GABARAPL2: variants seen among roughly 807,000 people sequenced by gnomAD.
GABARAPL2 encodes gamma-aminobutyric acid receptor-associated protein-like 2.
GABARAPL2 carries 11 observed loss-of-function variants against 16.9 expected under a neutral mutation model. The observed-to-expected ratio is 0.65, with a 90% CI of 0.41 to 1.08. The LOEUF (loss-of-function observed/expected upper bound fraction) is 1.08. Ranked by LOEUF, GABARAPL2 falls within the 50% of genes least tolerant of loss-of-function variation. The pLI, the probability that GABARAPL2 is intolerant of heterozygous loss-of-function variation, is 0.00. For missense variants in GABARAPL2, 134 were observed against 142.5 expected, an observed-to-expected ratio of 0.94 and a Z score of 0.30; for synonymous variants, 57 against 50.7, an observed-to-expected ratio of 1.12 and a Z score of -0.53.
At chr16:75,566,988 T>C in intron 2 of GABARAPL2, 81 bp downstream of exon 2, 1 of 1,198,162 alleles carries the variant, frequency 8.3e-7, no homozygotes, top group South Asian at 1.2e-5. Context: ...CATTCAACAG[T>C]TGACAAGTTG....
chr16:75,574,256 G>A (rs1270530203), intron 3 of GABARAPL2, among the ~76,000 whole-genome samples: 1 of 152,206 alleles, frequency 6.6e-6, no homozygotes. Context: ...TGTTTCTAAT[G>A]TAGCAGCGGG....
intron 2 of GABARAPL2, 57 bp downstream of exon 2, chr16:75,566,964 G>T: frequency 7.3e-7 from 1 of 1,373,354 alleles, no homozygotes. Flanking sequence ...TGGGACCCGT[G>T]ATAGGCCCCA....
intron 2 of GABARAPL2, among the ~76,000 whole-genome samples, chr16:75,567,286 C>G (rs1008528642): frequency 6.6e-6 from 1 of 152,216 alleles, no homozygotes; most frequent in Non-Finnish European, 1.5e-5. Context: ...TCATCTTTTA[C>G]TTTGTCTCCA....
chr16:75,575,056 A>G (rs145140981), intron 3 of GABARAPL2, among the ~76,000 whole-genome samples: 57 of 152,156 alleles, frequency 3.7e-4, no homozygotes, highest in Non-Finnish European at 7.2e-4. Context: ...AAACATAGTG[A>G]TGATTTCATT....
In GABARAPL2 at chr16:75,566,894, C is replaced by T. The variant is rs772226891; in HGVS notation, c.77C>T (p.Pro26Leu). Residue 26 changes from proline (P) to leucine (L), a missense_variant, in exon 2 of 4, where the codon CCC (proline) becomes CTC (leucine). Physicochemically the swap from Pro to Leu is moderately conservative, Grantham distance 98 (BLOSUM62 -3). Transcript: ENST00000037243. ...VESAKIRAKY[P>L]DRVPVIVEKV... ...TCCGCGAAGATTCGAGCGAAATATCCCGACAGGGTTCCGGTGAGTGGACTC... is the reference window on the plus strand; with the variant it reads ...TCCGCGAAGATTCGAGCGAAATATCTCGACAGGGTTCCGGTGAGTGGACTC... 1.2e-6 allele frequency: 2 copies of T among 1,613,444 alleles called. No homozygotes were observed. Among genetic ancestry groups the T allele is most frequent in the South Asian group, 1.1e-5 (1 of 91,078 alleles).
At chr16:75,576,009 T>G (rs373444763) in intron 3 of GABARAPL2, 1 of 152,242 alleles carries the variant, frequency 6.6e-6, no homozygotes, top group African/African-American at 2.4e-5. Context: ...GTGGCTGCTG[T>G]GGCAGTGATA....
chr16:75,568,533 C>T (rs1597057786), intron 3 of GABARAPL2: 2 of 180,208 alleles, frequency 1.1e-5, no homozygotes, highest in South Asian at 3.1e-4. Flanking sequence ...AGGTTTTCTT[C>T]CCTGAAGGCA....
At chr16:75,571,571 C>G (rs2080914590) in intron 3 of GABARAPL2, among the ~76,000 whole-genome samples, 1 of 152,060 alleles carries the variant, frequency 6.6e-6, no homozygotes, top group African/African-American at 2.4e-5. Context: ...CCTTCAGGCC[C>G]AATTAATGAC....
chr16:75,568,232 G>T, intron 3 of GABARAPL2, 23 bp downstream of exon 3: 1 of 1,542,644 alleles, frequency 6.5e-7, no homozygotes, highest in Non-Finnish European at 8.9e-7. Context: ...TACTAGATGG[G>T]CCCTCTGGTA....
Position 75,568,154 on chromosome 16 carries a change from C to T in GABARAPL2, c.208C>T (p.Leu70Phe). The change falls in exon 3 of 4, where the codon CTT (leucine) becomes TTT (phenylalanine). Residue 70 changes from leucine to phenylalanine, a missense_variant. Coordinates refer to ENST00000037243, the MANE Select transcript of GABARAPL2 (RefSeq NM_007285.7). Reference sequence around the variant, plus strand: ...GTGGATCATCAGGAAAAGGATCCAGCTTCCTTCTGAAAAGGCGATCTTCCT... The same window carrying T: ...GTGGATCATCAGGAAAAGGATCCAGTTTCCTTCTGAAAAGGCGATCTTCCT... ...FMWIIRKRIQ[L>F]PSEKAIFLFV... The T allele has an allele frequency of 1.2e-6, 2 of 1,613,100 alleles. No homozygotes were observed. The highest frequency in any genetic ancestry group is 1.7e-6 in the Non-Finnish European group (2 of 1,179,044).
intron 3 of GABARAPL2, among the ~76,000 whole-genome samples, chr16:75,575,340 G>A (rs981933640): frequency 6.6e-6 from 1 of 151,552 alleles, no homozygotes; most frequent in African/African-American, 2.4e-5. Context: ...TTGTTGCCCA[G>A]GCTGCAGTAC....
chr16:75,570,659 A>C (rs1342260205), intron 3 of GABARAPL2, among the ~76,000 whole-genome samples: 1 of 152,232 alleles, frequency 6.6e-6, no homozygotes, highest in Non-Finnish European at 1.5e-5. Context: ...ACAGGCGGTC[A>C]CCATGTAAAG....
chr16:75,571,582 T>A (rs1357656634), intron 3 of GABARAPL2, among the ~76,000 whole-genome samples: 2 of 152,160 alleles, frequency 1.3e-5, no homozygotes, highest in Non-Finnish European at 2.9e-5. Flanking sequence ...AATTAATGAC[T>A]TCTCACCCCA....
chr16:75,572,911 C>T (rs1051780779), intron 3 of GABARAPL2, among the ~76,000 whole-genome samples: 2 of 152,210 alleles, frequency 1.3e-5, no homozygotes, highest in African/African-American at 2.4e-5. Flanking sequence ...TGGAGGCCAT[C>T]TTCAGGTGTT....
intron 3 of GABARAPL2, among the ~76,000 whole-genome samples, chr16:75,573,507 T>A (rs1404385346): frequency 6.6e-6 from 1 of 152,240 alleles, no homozygotes; most frequent in Non-Finnish European, 1.5e-5. Context: ...CAACTAAGTT[T>A]CCACATGAGG....
chr16:75,577,269 C>G lies in GABARAPL2; in HGVS notation c.264-10C>G. 6.3e-7 allele frequency: 1 copy of G among 1,576,342 alleles called. No homozygotes were observed. Among genetic ancestry groups the G allele is most frequent in the Non-Finnish European group, 8.7e-7 (1 of 1,145,870 alleles). Reference sequence around the variant, plus strand: ...AATTTTCAATGACGTTTTTGTTTTTCTCTTTCAAGCCTAACTATGGGACAG... The same window carrying G: ...AATTTTCAATGACGTTTTTGTTTTTGTCTTTCAAGCCTAACTATGGGACAG... On this transcript the variant is annotated splice_polypyrimidine_tract_variant and intron_variant, in intron 3 of 3. Coordinates refer to ENST00000037243, the MANE Select transcript of GABARAPL2 (RefSeq NM_007285.7).
intron 3 of GABARAPL2, among the ~76,000 whole-genome samples, chr16:75,574,513 A>T (rs1011462942): frequency 1.3e-5 from 2 of 152,120 alleles, no homozygotes; most frequent in Non-Finnish European, 2.9e-5. Flanking sequence ...TTTTCCCATT[A>T]GCCTCATTCT....
chr16:75,567,838 T>TA (rs1204657497), intron 2 of GABARAPL2, among the ~76,000 whole-genome samples, 199 bp from the exon 3 acceptor site: 1 of 152,218 alleles, frequency 6.6e-6, no homozygotes, highest in Non-Finnish European at 1.5e-5. Context: ...AGAAAAGCAC[T>TA]TACTGTTTCC....
chr16:75,571,842 CTTTT>C (rs545250961), intron 3 of GABARAPL2, among the ~76,000 whole-genome samples: 24 of 151,572 alleles, frequency 1.6e-4, no homozygotes, highest in Non-Finnish European at 2.8e-4. Context: ...CGCCCGGCTA[CTTTT>C]TTTGTATTTT....
Sources: allele counts gnomAD v4.1 joint callset (sites outside exome capture counted in the v4.1 genomes callset), GRCh38; gene constraint gnomAD v4.1.1; transcripts MANE v1.5; gene names NCBI Gene and HGNC (gene_info 2026-07-23, HGNC 2026-07-21).